Variants in GPR39 observed in about 807,000 individuals in gnomAD.
The protein encoded by GPR39 is G protein-coupled receptor 39.
A neutral mutation model predicts 18.4 loss-of-function variants in GPR39; 23 were observed. The ratio of observed to expected loss-of-function variants is 1.25; its 90% CI spans 0.90 to 1.77. The LOEUF (loss-of-function observed/expected upper bound fraction) is 1.77. GPR39 is among the 40% of genes most tolerant of loss of function. GPR39 has a pLI of 0.00. For missense variants in GPR39, 647 were observed against 602.4 expected (o/e 1.07, Z -0.78); for synonymous variants, 280 against 257.9 (o/e 1.09, Z -0.82).
chr2:132,432,759 G>A (rs1680245788), intron 1 of GPR39, among the ~76,000 whole-genome samples: 1 of 152,132 alleles, frequency 6.6e-6, no homozygotes, highest in South Asian at 2.1e-4. Context: ...CTGTGCATAG[G>A]TATATGTCCC....
At chr2:132,432,274 G>A (rs1680237471) in intron 1 of GPR39, among the ~76,000 whole-genome samples, 1 of 152,162 alleles carries the variant, frequency 6.6e-6, no homozygotes, top group African/African-American at 2.4e-5. Context: ...TTCTCGCTGT[G>A]TCCTCACATG....
intron 1 of GPR39, among the ~76,000 whole-genome samples, chr2:132,631,245 A>T (rs542306679): frequency 2.6e-5 from 4 of 152,230 alleles, no homozygotes; most frequent in Admixed American, 2.6e-4. Flanking sequence ...TACTACGTAC[A>T]ACAATGTGCA....
At chr2:132,445,286 T>C (rs940218763) in intron 1 of GPR39, among the ~76,000 whole-genome samples, 1 of 152,204 alleles carries the variant, frequency 6.6e-6, no homozygotes, top group African/African-American at 2.4e-5. Flanking sequence ...TTAGAGTCTA[T>C]ATAATATGAT....
At chr2:132,458,973 G>T (rs1438738301) in intron 1 of GPR39, among the ~76,000 whole-genome samples, 1 of 152,074 alleles carries the variant, frequency 6.6e-6, no homozygotes. Flanking sequence ...AATACAGCTG[G>T]TTCCAAAGAG....
chr2:132,530,429 C>A (rs1396703724), intron 1 of GPR39, among the ~76,000 whole-genome samples: 1 of 152,188 alleles, frequency 6.6e-6, no homozygotes, highest in Non-Finnish European at 1.5e-5. Context: ...GGAAAACACT[C>A]TGCAGGTTAT....
intron 1 of GPR39, among the ~76,000 whole-genome samples, chr2:132,463,565 GA>G (rs1030453686): frequency 6.6e-6 from 1 of 152,038 alleles, no homozygotes; most frequent in Non-Finnish European, 1.5e-5. Context: ...AATTAATAGG[GA>G]AAGACAGGAG....
intron 1 of GPR39, among the ~76,000 whole-genome samples, chr2:132,443,327 C>T (rs1030860082): frequency 6.7e-6 from 1 of 148,288 alleles, no homozygotes; most frequent in African/African-American, 2.4e-5. Context: ...TGGTACCTGA[C>T]TTACGATGGA....
intron 1 of GPR39, among the ~76,000 whole-genome samples, chr2:132,463,818 T>A (rs548106873): frequency 1.6e-4 from 25 of 152,232 alleles, no homozygotes; most frequent in Non-Finnish European, 3.4e-4. Context: ...TTGCTTGGGC[T>A]CACTCGTTCA....
intron 1 of GPR39, among the ~76,000 whole-genome samples, chr2:132,485,148 G>A (rs1180622270): frequency 6.6e-6 from 1 of 152,176 alleles, no homozygotes; most frequent in Non-Finnish European, 1.5e-5. Flanking sequence ...AAAATTTTTG[G>A]TTTCCCAGTG....
intron 1 of GPR39, among the ~76,000 whole-genome samples, chr2:132,641,101 G>A (rs1681849737): frequency 6.6e-6 from 1 of 152,176 alleles, no homozygotes; most frequent in African/African-American, 2.4e-5. Flanking sequence ...GGCAGGGGAA[G>A]TTTATCCCAA....
At chr2:132,461,437 T>A (rs548271280) in intron 1 of GPR39, among the ~76,000 whole-genome samples, 1 of 152,230 alleles carries the variant, frequency 6.6e-6, no homozygotes, top group South Asian at 2.1e-4. Flanking sequence ...TATTATTGAA[T>A]GTATTTTCAA....
At chr2:132,636,636 C>G (rs1681760651) in intron 1 of GPR39, among the ~76,000 whole-genome samples, 1 of 152,212 alleles carries the variant, frequency 6.6e-6, no homozygotes, top group Non-Finnish European at 1.5e-5. Context: ...CACCTCCTTC[C>G]ACTTCTCTGG....
At chr2:132,616,256 G>C (rs1005533579) in intron 1 of GPR39, among the ~76,000 whole-genome samples, 1 of 152,176 alleles carries the variant, frequency 6.6e-6, no homozygotes, top group Non-Finnish European at 1.5e-5. Context: ...CCTGGGGTTA[G>C]GGGAGGTGGT....
intron 1 of GPR39, among the ~76,000 whole-genome samples, chr2:132,446,302 C>T (rs1389511961): frequency 6.6e-6 from 1 of 152,190 alleles, no homozygotes; most frequent in Non-Finnish European, 1.5e-5. Flanking sequence ...GACACAAAGC[C>T]ATGAAGAAAT....
At chr2:132,633,253 G>A (rs1211744595) in intron 1 of GPR39, among the ~76,000 whole-genome samples, 1 of 151,540 alleles carries the variant, frequency 6.6e-6, no homozygotes, top group African/African-American at 2.4e-5. Context: ...TTTCCCTCTT[G>A]TTGTAATCCT....
In GPR39 at chr2:132,477,986, T is replaced by G. The variant is rs561008205; in HGVS notation, c.856+60088T>G. Among the ~76,000 whole-genome samples, 401 of 152,344 alleles carry G rather than the reference T, an allele frequency of 2.6e-3. 1 individual carries two copies. The highest frequency in any genetic ancestry group is 9.2e-3 in the African/African-American group (382 of 41,578). ...CTAATTTAAAATCAATACCATAACC[T>G]ACAAAGAATTTGAGGCATTTTATTC... is the stretch of plus-strand genomic sequence containing the variant. On this transcript the variant is annotated intron_variant, in intron 1 of 1. Transcript: ENST00000329321.
chr2:132,600,997 T>C (rs912421144), intron 1 of GPR39, among the ~76,000 whole-genome samples: 2 of 152,206 alleles, frequency 1.3e-5, no homozygotes, highest in East Asian at 1.9e-4. Flanking sequence ...TGCATATCCA[T>C]AGTTTAGCTC....
chr2:132,522,401 T>A (rs1360541869), intron 1 of GPR39, among the ~76,000 whole-genome samples: 1 of 152,218 alleles, frequency 6.6e-6, no homozygotes, highest in Non-Finnish European at 1.5e-5. Context: ...TTTCACTTAA[T>A]CATCAATTAA....
At chr2:132,489,850 T>A (rs1053647730) in intron 1 of GPR39, among the ~76,000 whole-genome samples, 1 of 151,982 alleles carries the variant, frequency 6.6e-6, no homozygotes, top group Non-Finnish European at 1.5e-5. Flanking sequence ...ATCAATTTAG[T>A]CAGTTACTGA....
Sources: allele counts gnomAD v4.1 joint callset (sites outside exome capture counted in the v4.1 genomes callset), GRCh38; gene constraint gnomAD v4.1.1; transcripts MANE v1.5; gene names NCBI Gene and HGNC (gene_info 2026-07-23, HGNC 2026-07-21).